Variants in MCF2L observed in about 807,000 individuals in gnomAD.
The protein encoded by MCF2L is MCF.2 cell line derived transforming sequence like.
MCF2L carries 97 observed loss-of-function variants against 153.4 expected under a neutral mutation model. The observed-to-expected ratio is 0.63, with a 90% confidence interval of 0.54 to 0.75. MCF2L has a LOEUF of 0.75. Among genes scored for constraint, MCF2L ranks in the 30% least tolerant of loss-of-function variants. MCF2L has a pLI of 0.00. For missense variants in MCF2L, 1,347 were observed against 1,495.2 expected (o/e 0.90, Z 1.64); for synonymous variants, 659 against 632.2 (o/e 1.04, Z -0.64).
intron 15 of MCF2L, among the ~76,000 whole-genome samples, chr13:113,079,266 T>C (rs1342233952): frequency 1.3e-5 from 2 of 152,122 alleles, no homozygotes; most frequent in Non-Finnish European, 2.9e-5. Context: ...CCTTCACCTT[T>C]AAGAAAGAAA....
intron 2 of MCF2L, among the ~76,000 whole-genome samples, chr13:113,015,313 G>A (rs1363878911): frequency 2.6e-5 from 4 of 152,228 alleles, no homozygotes; most frequent in Non-Finnish European, 5.9e-5. Context: ...CCCCTGTGTG[G>A]GTACAGCAAG....
intron 1 of MCF2L, among the ~76,000 whole-genome samples, chr13:112,894,900 CCTGGGGTCCGG>C (rs138800607): frequency 4.0e-5 from 4 of 100,938 alleles, no homozygotes; most frequent in Non-Finnish European, 6.9e-5. Context: ...GGAAGGGTAG[CCTGGGGTCCGG>C]CTGGGGTCGG....
In MCF2L at chr13:113,031,420, G is replaced by A. The variant is rs1048484248; in HGVS notation, c.278+6662G>A. Among the ~76,000 whole-genome samples, 1 of 152,318 alleles carries A rather than the reference G, an allele frequency of 6.6e-6. No homozygotes were observed. The highest frequency in any genetic ancestry group is 2.4e-5 in the African/African-American group (1 of 41,570). ...CGCCAGCGGCATCTTTGGGGGCAGCGAACGCACCAGGGGGCAGGACAGAGT... is the reference window on the plus strand; with the variant it reads ...CGCCAGCGGCATCTTTGGGGGCAGCAAACGCACCAGGGGGCAGGACAGAGT... On this transcript the variant is annotated intron_variant, in intron 3 of 29. Transcript: ENST00000535094. This position sits in a 1 kb window ranked among gnomAD's most constrained non-coding sequence, Gnocchi z 5.5.
intron 23 of MCF2L, among the ~76,000 whole-genome samples, chr13:113,088,095 G>A (rs2034814121): frequency 6.6e-6 from 1 of 152,228 alleles, no homozygotes; most frequent in African/African-American, 2.4e-5. Context: ...TCACGGTGGG[G>A]AGGGTGCCGT....
Position 112,904,647 on chromosome 13 carries a change from G to A in MCF2L, c.169+2276G>A, listed in dbSNP as rs2081153962. 6.6e-6 allele frequency among the ~76,000 whole-genome samples: 1 copy of A among 152,360 alleles called. No individual in the cohort carries two copies. Among genetic ancestry groups the A allele is most frequent in the East Asian group, 1.9e-4 (1 of 5,180 alleles). ...TTCCCTCCAACCCTGGACTCCAGGG[G>A]ATTGGAAGATAATCTGCTTAGAGTT... is the stretch of plus-strand genomic sequence containing the variant. On this transcript the variant is annotated intron_variant, in intron 2 of 29. Coordinates refer to the MCF2L transcript ENST00000375608. The surrounding 1 kb of genome is among the most constrained non-coding windows in gnomAD (Gnocchi z 4.2).
intron 1 of MCF2L, chr13:112,979,750 C>G (rs781115526): frequency 1.9e-6 from 3 of 1,611,222 alleles, no homozygotes; most frequent in Non-Finnish European, 1.7e-6. Flanking sequence ...GCAGGGCGCT[C>G]GAGGCCAGGT....
At chr13:113,026,889 TCAGGCCGGTGAGCTG>T (rs756924692) in intron 3 of MCF2L, 1 of 756,236 alleles carries the variant, frequency 1.3e-6, no homozygotes, top group South Asian at 1.4e-5. Flanking sequence ...GAGAGCAGCA[TCAGGCCGGTGAGCTG>T]CAGGCTGACT....
intron 1 of MCF2L, among the ~76,000 whole-genome samples, chr13:112,994,652 G>C (rs1260141582): frequency 6.6e-6 from 1 of 152,260 alleles, no homozygotes; most frequent in African/African-American, 2.4e-5. Flanking sequence ...AGCCTGCGGT[G>C]AGGCCGCGCG....
intron 26 of MCF2L, chr13:113,089,963 G>T: frequency 1.3e-6 from 2 of 1,596,792 alleles, no homozygotes; most frequent in Middle Eastern, 1.7e-4. Context: ...AGCCTCGGCC[G>T]AGCGTGCAAC....
At chr13:112,899,216 G>A (rs994966116) in intron 1 of MCF2L, among the ~76,000 whole-genome samples, 2 of 152,070 alleles carry the variant, frequency 1.3e-5, no homozygotes, top group African/African-American at 4.8e-5. Flanking sequence ...TCTGTAGACA[G>A]ATTTAATTGT....
intron 1 of MCF2L, among the ~76,000 whole-genome samples, chr13:113,011,564 C>T (rs571176376): frequency 0.017 from 2,358 of 135,244 alleles, 31 homozygotes; most frequent in Middle Eastern, 0.073. Context: ...GTGGACACTG[C>T]GATGAGGACA....
chr13:112,952,512 G>A (rs1382866649), intron 2 of MCF2L, among the ~76,000 whole-genome samples: 5 of 152,176 alleles, frequency 3.3e-5, no homozygotes, highest in Non-Finnish European at 4.4e-5. Context: ...ACCAGTCACC[G>A]GATCCTCTTG....
rs2032138765 is a variant in MCF2L, at chr13:113,065,033, A to T, written c.704A>T (p.Gln235Leu). ...GAAACAGAGCTGCCCAATGACGTCC[A>T]GTCGACAAGCTCAGTGCTGTGTGCG... ...LAETELPNDVQSTSSVLCAHT... is the reference protein window; with the variant it reads ...LAETELPNDVLSTSSVLCAHT... The change falls in exon 7 of 30, where the codon CAG (glutamine) becomes CTG (leucine). Residue 235 changes from glutamine to leucine, a missense_variant. Gln to Leu is a moderately radical substitution (Grantham distance 113, BLOSUM62 -2). Around this residue, in one of 3 missense-constraint regions of MCF2L, gnomAD observed 820 missense variants for 921.2 expected, o/e 0.89. Transcript: ENST00000535094. 1 of 1,612,316 alleles carries T rather than the reference A, an allele frequency of 6.2e-7. No individual in the cohort carries two copies.
chr13:113,081,430 G>A (rs548026848), intron 16 of MCF2L, 151 bp downstream of exon 16: 15 of 747,254 alleles, frequency 2.0e-5, no homozygotes, highest in Middle Eastern at 3.9e-4. Flanking sequence ...GGCCCCAGAC[G>A]GGGAGCCCCT....
At chr13:113,005,977 T>C (rs1222016186) in intron 1 of MCF2L, among the ~76,000 whole-genome samples, 6 of 152,220 alleles carry the variant, frequency 3.9e-5, no homozygotes, top group Non-Finnish European at 8.8e-5. Context: ...TAAATGGGGC[T>C]GCTTAGCGAA....
chr13:112,927,581 C>T (rs542445749), intron 2 of MCF2L, among the ~76,000 whole-genome samples: 1 of 152,324 alleles, frequency 6.6e-6, no homozygotes, highest in South Asian at 2.1e-4. Flanking sequence ...CAACACAATA[C>T]AGTCAATTCC....
At chr13:113,062,930 C>A (rs9577454) in intron 5 of MCF2L, among the ~76,000 whole-genome samples, 15 of 152,066 alleles carry the variant, frequency 9.9e-5, no homozygotes, top group Non-Finnish European at 2.1e-4. Flanking sequence ...TCTCCCCGTC[C>A]GGCCTCAGTG....
At chr13:112,976,558 G>A (rs906748696) in intron 1 of MCF2L, among the ~76,000 whole-genome samples, 52 of 152,214 alleles carry the variant, frequency 3.4e-4, no homozygotes, top group Admixed American at 5.2e-4. Flanking sequence ...GCAAGGCTGT[G>A]GCGGACGGCA....
At chr13:112,935,699 T>C (rs1246438240) in intron 2 of MCF2L, among the ~76,000 whole-genome samples, 2 of 152,210 alleles carry the variant, frequency 1.3e-5, no homozygotes, top group African/African-American at 4.8e-5. Context: ...TTTCTACTTA[T>C]GATACTTTCA....
Sources: allele counts gnomAD v4.1 joint callset (sites outside exome capture counted in the v4.1 genomes callset), GRCh38; gene constraint gnomAD v4.1.1; regional missense constraint gnomAD v4.1.1; non-coding constraint Gnocchi (gnomAD v3.1); transcripts MANE v1.5; gene names NCBI Gene and HGNC (gene_info 2026-07-23, HGNC 2026-07-21).